ASCC3: variants seen among roughly 807,000 people sequenced by gnomAD.
The protein encoded by ASCC3 is activating signal cointegrator 1 complex subunit 3, also known as ASC-1 complex subunit P200.
In ASCC3, 158 loss-of-function variants were observed where a neutral mutation model predicts 256.3. The ratio of observed to expected loss-of-function variants is 0.62; its 90% CI spans 0.54 to 0.70. ASCC3 has a LOEUF of 0.70. Among genes scored for constraint, ASCC3 ranks in the 30% least tolerant of loss-of-function variants. The pLI, the probability that ASCC3 is intolerant of heterozygous loss-of-function variation, is 0.00. For missense variants in ASCC3, 2,259 were observed against 2,626.0 expected (o/e 0.86, Z 3.05); for synonymous variants, 948 against 883.4 (o/e 1.07, Z -1.30).
intron 8 of ASCC3, among the ~76,000 whole-genome samples, chr6:100,776,542 G>A (rs371402993): frequency 2.6e-5 from 4 of 152,002 alleles, no homozygotes; most frequent in African/African-American, 9.7e-5. Context: ...GGACTCACTA[G>A]ACTACTGAAA....
intron 14 of ASCC3, among the ~76,000 whole-genome samples, chr6:100,672,975 T>C (rs555014387): frequency 6.6e-6 from 1 of 152,220 alleles, no homozygotes; most frequent in South Asian, 2.1e-4. Context: ...CTCATGTGTA[T>C]ATAAACAAGT....
intron 34 of ASCC3, among the ~76,000 whole-genome samples, chr6:100,594,654 G>C (rs1379491822): frequency 6.6e-6 from 1 of 152,062 alleles, no homozygotes. Flanking sequence ...AATAGATCTA[G>C]CATATGATCC....
chr6:100,593,043 A>C (rs1772086283), intron 34 of ASCC3, among the ~76,000 whole-genome samples: 1 of 152,156 alleles, frequency 6.6e-6, no homozygotes, highest in African/African-American at 2.4e-5. Context: ...CAGAAGCTCT[A>C]ATTTATGAGA....
chr6:100,786,163 T>C (rs952788741), intron 8 of ASCC3, among the ~76,000 whole-genome samples: 2 of 152,118 alleles, frequency 1.3e-5, no homozygotes, highest in African/African-American at 4.8e-5. Context: ...ACCATCCAGA[T>C]TGTACATCTG....
At chr6:100,744,698 G>T (rs1360620540) in intron 10 of ASCC3, among the ~76,000 whole-genome samples, 1 of 151,994 alleles carries the variant, frequency 6.6e-6, no homozygotes, top group Non-Finnish European at 1.5e-5. Context: ...GTACTTTTAG[G>T]TAATCATATA....
chr6:100,523,379 C>T (rs1774402248), intron 37 of ASCC3, among the ~76,000 whole-genome samples: 1 of 152,062 alleles, frequency 6.6e-6, no homozygotes, highest in African/African-American at 2.4e-5. Context: ...TCCAGGTGGA[C>T]TGTAATATCC....
At chr6:100,767,976 T>C (rs190938776) in intron 8 of ASCC3, among the ~76,000 whole-genome samples, 49 of 152,226 alleles carry the variant, frequency 3.2e-4, no homozygotes, top group African/African-American at 1.1e-3. Flanking sequence ...CAAAATTAAA[T>C]ACAGGTATTT....
At chr6:100,597,842 A>C (rs1010679463) in intron 34 of ASCC3, among the ~76,000 whole-genome samples, 2 of 148,660 alleles carry the variant, frequency 1.3e-5, no homozygotes, top group African/African-American at 4.9e-5. Flanking sequence ...AGCATGGTGG[A>C]AGGTGCCTGT....
At chr6:100,710,770 G>A (rs1778818696) in intron 13 of ASCC3, among the ~76,000 whole-genome samples, 1 of 151,830 alleles carries the variant, frequency 6.6e-6, no homozygotes, top group African/African-American at 2.4e-5. Context: ...CCAACATTTG[G>A]GGATACAGCT....
intron 30 of ASCC3, among the ~76,000 whole-genome samples, chr6:100,617,728 A>G (rs2114839274): frequency 6.6e-6 from 1 of 152,228 alleles, no homozygotes; most frequent in East Asian, 1.9e-4. Context: ...TCCTTCCTTC[A>G]CAGAACCCTC....
chr6:100,754,708 G>C (rs984915063), intron 10 of ASCC3, among the ~76,000 whole-genome samples: 1 of 152,062 alleles, frequency 6.6e-6, no homozygotes, highest in Non-Finnish European at 1.5e-5. Context: ...TTTTAGATCT[G>C]ATATGGTATG....
At chr6:100,595,760 T>C (rs1562149824) in intron 34 of ASCC3, among the ~76,000 whole-genome samples, 1 of 152,182 alleles carries the variant, frequency 6.6e-6, no homozygotes. Context: ...CCTTTATTTA[T>C]AAAATGAGGA....
chr6:100,880,751 A>G lies in ASCC3; in HGVS notation c.-42+310T>C, dbSNP rs777192135. ...CTTTGTAACAGAAAAAAAGAAAACA[A>G]ATTACCCATGCATGGGACAGAAAAA... On this transcript the variant is annotated intron_variant, in intron 1 of 41. Transcript: ENST00000369162. 8.1e-4 allele frequency among the ~76,000 whole-genome samples: 123 copies of G among 152,120 alleles called. 1 individual carries two copies. Among genetic ancestry groups the G allele is most frequent in the Non-Finnish European group, 1.3e-4 (9 of 68,032 alleles).
intron 30 of ASCC3, among the ~76,000 whole-genome samples, chr6:100,610,540 G>A (rs949720349): frequency 6.6e-6 from 1 of 151,766 alleles, no homozygotes; most frequent in Non-Finnish European, 1.5e-5. Context: ...TATTAAAAAA[G>A]CACTGTACAA....
At chr6:100,602,008 T>A (rs532635993) in intron 33 of ASCC3, 73 bp from the exon 34 acceptor site, 1 of 1,522,294 alleles carries the variant, frequency 6.6e-7, no homozygotes, top group Admixed American at 1.7e-5. Flanking sequence ...TCTCACATAG[T>A]CAAGATTCAG....
chr6:100,512,322 A>C (rs1335691143), intron 40 of ASCC3, among the ~76,000 whole-genome samples: 1 of 152,164 alleles, frequency 6.6e-6, no homozygotes, highest in Non-Finnish European at 1.5e-5. Context: ...TAAGGCCCTT[A>C]AAAATCATGT....
intron 4 of ASCC3, among the ~76,000 whole-genome samples, chr6:100,806,195 G>T (rs1456548611): frequency 6.6e-6 from 1 of 151,878 alleles, no homozygotes; most frequent in African/African-American, 2.4e-5. Flanking sequence ...AATTTAATTT[G>T]CTCTTCAACA....
Position 100,644,131 on chromosome 6 carries a change from T to G in ASCC3, c.3634-2A>C. The G allele has an allele frequency of 1.2e-6, 2 of 1,601,092 alleles. No homozygotes were observed. Among genetic ancestry groups the G allele is most frequent in the African/African-American group, 1.3e-5 (1 of 74,734 alleles). ...AGGTTCTCCTACTGTCCCATGTACCTAGAAGAAAAATAGCATCCTGCTACT... is the reference window on the plus strand; with the variant it reads ...AGGTTCTCCTACTGTCCCATGTACCGAGAAGAAAAATAGCATCCTGCTACT... On this transcript the variant is annotated splice_acceptor_variant, in intron 22 of 41. Coordinates refer to ENST00000369162, the MANE Select transcript of ASCC3 (RefSeq NM_006828.4). LOFTEE classifies it high-confidence loss of function.
intron 25 of ASCC3, among the ~76,000 whole-genome samples, chr6:100,632,583 A>G (rs1357524133): frequency 2.0e-5 from 3 of 152,292 alleles, no homozygotes; most frequent in Admixed American, 2.0e-4. Context: ...ACAAAGCTAC[A>G]GTAATCATAA....
Sources: allele counts gnomAD v4.1 joint callset (sites outside exome capture counted in the v4.1 genomes callset), GRCh38; gene constraint gnomAD v4.1.1; transcripts MANE v1.5; gene names NCBI Gene and HGNC (gene_info 2026-07-23, HGNC 2026-07-21).